Variants in IQCM observed in about 807,000 individuals in gnomAD.
IQCM encodes IQ motif containing M.
IQCM carries 45 observed loss-of-function variants against 57.6 expected under a neutral mutation model. The ratio of observed to expected loss-of-function variants is 0.78; its 90% CI spans 0.62 to 1.00. The LOEUF (loss-of-function observed/expected upper bound fraction) is 1.00. Among genes scored for constraint, IQCM ranks in the 50% least tolerant of loss-of-function variants. The pLI is 0.00. For synonymous variants in IQCM, 148 were observed against 158.9 expected (o/e 0.93, Z 0.51); for missense variants, 468 against 511.6 (o/e 0.91, Z 0.82).
At chr4:149,740,085 C>T (rs772061376) in intron 3 of IQCM, among the ~76,000 whole-genome samples, 8 of 152,260 alleles carry the variant, frequency 5.3e-5, no homozygotes, top group South Asian at 2.1e-4. Flanking sequence ...CTTTTCATAA[C>T]GATAATAAAA....
intron 12 of IQCM, among the ~76,000 whole-genome samples, chr4:149,511,441 T>C (rs778751067): frequency 1.3e-4 from 20 of 151,172 alleles, no homozygotes; most frequent in Non-Finnish European, 2.7e-4. Flanking sequence ...TGCAGGAAAA[T>C]CACTTGAACC....
chr4:149,631,370 T>C (rs1470469980), intron 7 of IQCM, among the ~76,000 whole-genome samples: 1 of 152,118 alleles, frequency 6.6e-6, no homozygotes, highest in Non-Finnish European at 1.5e-5. Flanking sequence ...GACCCTCTAA[T>C]GAATCAGCAA....
intron 13 of IQCM, among the ~76,000 whole-genome samples, chr4:149,427,308 G>A (rs1412336457): frequency 2.0e-5 from 3 of 151,968 alleles, no homozygotes; most frequent in Admixed American, 2.0e-4. Flanking sequence ...ATAAATAGAT[G>A]CAGAAATCAT....
At chr4:149,541,058 C>T (rs1239627637) in intron 12 of IQCM, among the ~76,000 whole-genome samples, 1 of 152,036 alleles carries the variant, frequency 6.6e-6, no homozygotes, top group South Asian at 2.1e-4. Flanking sequence ...GATAATTAAA[C>T]TTTACGATTA....
At chr4:149,793,412 C>T (rs140428338) in intron 2 of IQCM, among the ~76,000 whole-genome samples, 4 of 152,198 alleles carry the variant, frequency 2.6e-5, no homozygotes, top group African/African-American at 9.6e-5. Flanking sequence ...CTCCTAGTGC[C>T]TCTCTCTTCT....
chr4:149,741,252 C>A (rs1238275892), intron 3 of IQCM, among the ~76,000 whole-genome samples: 1 of 152,100 alleles, frequency 6.6e-6, no homozygotes, highest in African/African-American at 2.4e-5. Flanking sequence ...CTCCCTTATT[C>A]TCTGGTCTTC....
chr4:149,681,295 A>T (rs1762157930), intron 7 of IQCM, among the ~76,000 whole-genome samples: 1 of 151,324 alleles, frequency 6.6e-6, no homozygotes, highest in South Asian at 2.1e-4. Flanking sequence ...AAATTATCTA[A>T]TAAAGCCTTA....
intron 13 of IQCM, among the ~76,000 whole-genome samples, chr4:149,380,771 G>C (rs955767236): frequency 6.6e-6 from 1 of 152,072 alleles, no homozygotes; most frequent in African/African-American, 2.4e-5. Context: ...GAGAGGGAGA[G>C]AGAGCCAATT....
chr4:149,701,723 A>T (rs1763787814), intron 5 of IQCM, among the ~76,000 whole-genome samples: 1 of 151,994 alleles, frequency 6.6e-6, no homozygotes, highest in Admixed American at 6.6e-5. Context: ...ACTAAAAAAG[A>T]TACTACAAGA....
At chr4:149,445,458 T>C (rs957520233) in intron 12 of IQCM, among the ~76,000 whole-genome samples, 17 of 151,894 alleles carry the variant, frequency 1.1e-4, no homozygotes, top group African/African-American at 3.6e-4. Flanking sequence ...AAAATTAAGA[T>C]TGAAGTCAAT....
At chr4:149,479,855 G>A (rs943741751) in intron 12 of IQCM, among the ~76,000 whole-genome samples, 8 of 152,164 alleles carry the variant, frequency 5.3e-5, no homozygotes, top group African/African-American at 1.7e-4. Context: ...CAAGACAGGG[G>A]CCCAAGAGAT....
At chr4:149,741,143 A>T (rs915121791) in intron 3 of IQCM, among the ~76,000 whole-genome samples, 1 of 152,122 alleles carries the variant, frequency 6.6e-6, no homozygotes, top group African/African-American at 2.4e-5. Flanking sequence ...ACACATATTC[A>T]ACATTTTTTT....
intron 13 of IQCM, among the ~76,000 whole-genome samples, chr4:149,423,613 CA>C (rs1395025861): frequency 1.3e-5 from 2 of 152,004 alleles, no homozygotes; most frequent in African/African-American, 4.8e-5. Context: ...CATTGCTTAG[CA>C]GAACAACGGA....
intron 13 of IQCM, among the ~76,000 whole-genome samples, chr4:149,365,213 A>G (rs1301832168): frequency 6.6e-6 from 1 of 152,122 alleles, no homozygotes; most frequent in Non-Finnish European, 1.5e-5. Context: ...AGTGACAGCA[A>G]GTAAGGAAAT....
At chr4:149,474,618 T>C (rs779035726) in intron 12 of IQCM, among the ~76,000 whole-genome samples, 1 of 150,606 alleles carries the variant, frequency 6.6e-6, no homozygotes, top group African/African-American at 2.4e-5. Flanking sequence ...TCGGGAGGCT[T>C]AGGCAGGAGA....
intron 13 of IQCM, among the ~76,000 whole-genome samples, chr4:149,424,079 T>A (rs1734303980): frequency 6.6e-6 from 1 of 151,922 alleles, no homozygotes; most frequent in South Asian, 2.1e-4. Context: ...CACAAATACC[T>A]ACTATGGGCT....
chr4:149,428,380 GA>G (rs1248742086), intron 13 of IQCM, among the ~76,000 whole-genome samples: 1 of 151,724 alleles, frequency 6.6e-6, no homozygotes, highest in Non-Finnish European at 1.5e-5. Flanking sequence ...GTTGTATTCT[GA>G]GCTTCATCCC....
chr4:149,714,880 G>A (rs1764861378), intron 5 of IQCM, among the ~76,000 whole-genome samples: 2 of 152,108 alleles, frequency 1.3e-5, no homozygotes, highest in South Asian at 2.1e-4. Flanking sequence ...GAGACAGGGA[G>A]GATTCTTATC....
intron 2 of IQCM, among the ~76,000 whole-genome samples, chr4:149,799,759 C>T (rs1022079906): frequency 1.8e-4 from 27 of 151,414 alleles, no homozygotes; most frequent in African/African-American, 6.3e-4. Context: ...ACACATAAAA[C>T]CTACTAAGAA....
Sources: allele counts gnomAD v4.1 joint callset (sites outside exome capture counted in the v4.1 genomes callset), GRCh38; gene constraint gnomAD v4.1.1; transcripts MANE v1.5; gene names NCBI Gene and HGNC (gene_info 2026-07-23, HGNC 2026-07-21).